Variants in OSBPL1A observed in about 807,000 individuals in gnomAD.
The protein encoded by OSBPL1A is oxysterol binding protein like 1A.
Under a neutral mutation model 137.1 loss-of-function variants are expected in OSBPL1A, and 80 were observed. The ratio of observed to expected loss-of-function variants is 0.58; its 90% CI spans 0.49 to 0.70. The LOEUF (loss-of-function observed/expected upper bound fraction) is 0.70. Ranked by LOEUF, OSBPL1A falls within the 30% of genes least tolerant of loss-of-function variation. OSBPL1A has a pLI of 0.00. For synonymous variants in OSBPL1A, 365 were observed against 389.7 expected, an observed-to-expected ratio of 0.94 and a Z score of 0.75; for missense variants, 970 against 1,129.4, an observed-to-expected ratio of 0.86 and a Z score of 2.02.
At chr18:24,297,260 A>G (rs1426845974) in intron 14 of OSBPL1A, among the ~76,000 whole-genome samples, 1 of 151,964 alleles carries the variant, frequency 6.6e-6, no homozygotes, top group Non-Finnish European at 1.5e-5. Context: ...ATTTCCTCTT[A>G]ATTTTTTAGT....
At chr18:24,298,008 A>G (rs1409164916) in intron 14 of OSBPL1A, among the ~76,000 whole-genome samples, 1 of 152,188 alleles carries the variant, frequency 6.6e-6, no homozygotes, top group Non-Finnish European at 1.5e-5. Flanking sequence ...ATAGGAGGTC[A>G]GCACAAAATA....
At chr18:24,341,027 AC>A (rs1217619734) in intron 5 of OSBPL1A, among the ~76,000 whole-genome samples, 1 of 152,078 alleles carries the variant, frequency 6.6e-6, no homozygotes, top group Non-Finnish European at 1.5e-5. Context: ...GGGGGGTCTC[AC>A]TCTGTTGCCT....
intron 17 of OSBPL1A, among the ~76,000 whole-genome samples, chr18:24,205,006 T>C (rs537232697): frequency 6.6e-6 from 1 of 152,242 alleles, no homozygotes; most frequent in African/African-American, 2.4e-5. Flanking sequence ...AGAGTTCTAC[T>C]AAGATGAAGT....
At chr18:24,193,176 G>C (rs2086935289) in intron 18 of OSBPL1A, among the ~76,000 whole-genome samples, 2 of 152,176 alleles carry the variant, frequency 1.3e-5, no homozygotes, top group South Asian at 4.1e-4. Context: ...GAAGTATTTG[G>C]ATTAATGTGA....
chr18:24,180,456 C>G (rs2086571871), intron 19 of OSBPL1A, among the ~76,000 whole-genome samples: 1 of 98,714 alleles, frequency 1.0e-5, no homozygotes, highest in South Asian at 3.1e-4. Context: ...ACATATTTTT[C>G]TATTTTGTGT....
chr18:24,273,697 C>T (rs2089775772), intron 15 of OSBPL1A, among the ~76,000 whole-genome samples: 1 of 152,166 alleles, frequency 6.6e-6, no homozygotes, highest in Non-Finnish European at 1.5e-5. Context: ...ACAGTTGCTT[C>T]CTTAGGAAGC....
At chr18:24,227,582 T>C (rs2088126241) in intron 16 of OSBPL1A, among the ~76,000 whole-genome samples, 2 of 152,118 alleles carry the variant, frequency 1.3e-5, no homozygotes, top group Admixed American at 1.3e-4. Context: ...ATCAGTTAGT[T>C]TTCTGGAGTA....
In OSBPL1A at chr18:24,247,138, C is replaced by T. The variant is rs143963270; in HGVS notation, c.1282-7756G>A. On this transcript the variant is annotated intron_variant, in intron 15 of 27. Transcript: ENST00000319481. ...AATGTGAAGGAAGCCATGGACTGAA[C>T]CCTAGCAGAAATGCTGAGAAAGAGT... 2.0e-3 allele frequency among the ~76,000 whole-genome samples: 308 copies of T among 152,180 alleles called. 1 individual carries two copies. The highest frequency in any genetic ancestry group is 3.9e-3 in the Admixed American group (59 of 15,284).
intron 27 of OSBPL1A, 78 bp from the exon 28 acceptor site, chr18:24,163,359 T>G: frequency 9.7e-7 from 1 of 1,035,434 alleles, no homozygotes; most frequent in African/African-American, 1.6e-5. Context: ...GTTTGCAGTA[T>G]TATTCTATTG....
At chr18:24,195,665 CCCTA>C (rs140707797) in intron 18 of OSBPL1A, among the ~76,000 whole-genome samples, 161 of 152,240 alleles carry the variant, frequency 1.1e-3, no homozygotes, top group African/African-American at 3.8e-3. Context: ...GCTGCCATCT[CCCTA>C]CCTCCCCCCA....
At chr18:24,215,692 AGT>A (rs2087677324) in intron 17 of OSBPL1A, among the ~76,000 whole-genome samples, 1 of 152,224 alleles carries the variant, frequency 6.6e-6, no homozygotes, top group Admixed American at 6.5e-5. Context: ...CAGACACTTC[AGT>A]GTATTTGTAG....
intron 4 of OSBPL1A, chr18:24,358,028 C>A (rs1434211629): frequency 6.2e-6 from 1 of 162,056 alleles, no homozygotes; most frequent in Non-Finnish European, 1.3e-5. Context: ...AGAATAGTCA[C>A]CATCTTAGCA....
chr18:24,238,193 T>C (rs1383693942), intron 16 of OSBPL1A, among the ~76,000 whole-genome samples: 1 of 152,234 alleles, frequency 6.6e-6, no homozygotes, highest in Non-Finnish European at 1.5e-5. Context: ...TTTCCTGTCC[T>C]GTTATGAATT....
At chr18:24,321,041 A>AG (rs1433206286) in intron 7 of OSBPL1A, among the ~76,000 whole-genome samples, 9 of 70,498 alleles carry the variant, frequency 1.3e-4, no homozygotes, top group African/African-American at 2.6e-4. Flanking sequence ...AAAAAAAAAA[A>AG]AAAAGAAAAG....
Position 24,167,346 on chromosome 18 carries a change from G to A in OSBPL1A, c.2518C>T (p.Pro840Ser). The change falls in exon 25 of 28, where the codon CCT becomes TCT. Residue 840 changes from proline to serine, a missense_variant. Pro to Ser is a moderately conservative substitution (Grantham distance 74). Around this residue, in one of 2 missense-constraint regions of OSBPL1A, gnomAD observed 323 missense variants for 456.8 expected, o/e 0.71. Transcript: ENST00000319481. Reference protein sequence around the residue: ...SVLLWRIAPRPPNSAQMYNFT... With the variant: ...SVLLWRIAPRSPNSAQMYNFT... ...AGTCTCACCTGGGCAGAATTTGGAG[G>A]CCGTGGGGCTATTCGCCATAGAAGA... is the stretch of plus-strand genomic sequence containing the variant. 1 of 1,614,124 alleles carries A rather than the reference G, an allele frequency of 6.2e-7. No homozygotes were observed. The highest frequency in any genetic ancestry group is 8.5e-7 in the Non-Finnish European group (1 of 1,179,954).
At chr18:24,167,807 A>G (rs1016521811) in intron 24 of OSBPL1A, among the ~76,000 whole-genome samples, 17 of 152,376 alleles carry the variant, frequency 1.1e-4, no homozygotes, top group African/African-American at 3.6e-4. Context: ...AGGAAAATAC[A>G]TATACACTTA....
At chr18:24,273,041 G>T (rs2089759324) in intron 15 of OSBPL1A, among the ~76,000 whole-genome samples, 1 of 152,100 alleles carries the variant, frequency 6.6e-6, no homozygotes, top group South Asian at 2.1e-4. Flanking sequence ...GAGTAGCTGG[G>T]ATTACAGGCC....
chr18:24,185,632 G>T (rs574185065), intron 18 of OSBPL1A, among the ~76,000 whole-genome samples: 3 of 152,240 alleles, frequency 2.0e-5, no homozygotes, highest in East Asian at 1.9e-4. Flanking sequence ...TTCACCGATT[G>T]TAACAAATGG....
At position 24,261,719 on chromosome 18, in the gene OSBPL1A, G is replaced by T. The variant is rs1347749759; in HGVS notation, c.1281+19123C>A. On this transcript the variant is annotated intron_variant, in intron 15 of 27. Transcript: ENST00000319481. The stretch of plus-strand genomic sequence containing the variant: ...GTGGTGGTGCATGCCTGTGGTCCCA[G>T]CTATGAGGAAGGCTAACTTGGGACG... Among the ~76,000 whole-genome samples the T allele has an allele frequency of 1.3e-5, 2 of 152,062 alleles. 1 individual carries two copies. The highest frequency in any genetic ancestry group is 3.9e-4 in the East Asian group (2 of 5,186).
Sources: gnomAD v4.1 joint callset for allele counts (sites outside exome capture counted in the v4.1 genomes callset) on GRCh38, gnomAD v4.1.1 for gene constraint, gnomAD v4.1.1 regional missense constraint, MANE v1.5 for transcripts, NCBI Gene and HGNC (gene_info 2026-07-23, HGNC 2026-07-21) for gene names.